Variants in CTPS1 observed in about 807,000 individuals in gnomAD.
The protein encoded by CTPS1 is CTP synthetase 1.
CTPS1 carries 25 observed loss-of-function variants against 80.5 expected under a neutral mutation model. The observed-to-expected ratio is 0.31, with a 90% CI of 0.23 to 0.43. The LOEUF (loss-of-function observed/expected upper bound fraction) is 0.43, where lower values mean the gene tolerates loss of function less well. Ranked by LOEUF, CTPS1 falls within the 20% of genes least tolerant of loss-of-function variation. The pLI is 1.00. For synonymous variants in CTPS1, 267 were observed against 252.5 expected, an observed-to-expected ratio of 1.06 and a Z score of -0.54; for missense variants, 442 against 725.7, an observed-to-expected ratio of 0.61 and a Z score of 4.49.
intron 5 of CTPS1, among the ~76,000 whole-genome samples, chr1:40,988,968 C>A (rs531767380): frequency 1.3e-5 from 2 of 152,092 alleles, no homozygotes; most frequent in Non-Finnish European, 2.9e-5. Context: ...TATGGTGGAA[C>A]TAGAGTAAAG....
At position 40,987,462 on chromosome 1, in the gene CTPS1, G is replaced by T; in HGVS notation, c.428G>T (p.Cys143Phe). ...VDEDGLEPQV[C>F]VIELGGTVGD... ...GAAGATGGCCTGGAACCTCAAGTGT[G>T]TGTTATTGAGGTTTGTATGATTCCT... is the stretch of plus-strand genomic sequence containing the variant. Residue 143 changes from cysteine (C) to phenylalanine (F), a missense_variant, in exon 4 of 19, where the codon TGT (cysteine) becomes TTT (phenylalanine). Transcript: ENST00000650070. 1 of 1,607,596 alleles carries T rather than the reference G, an allele frequency of 6.2e-7. No homozygotes were observed. The highest frequency in any genetic ancestry group is 1.3e-5 in the African/African-American group (1 of 74,904).
chr1:41,001,418 G>GT (rs1642901250), intron 10 of CTPS1: 5 of 284,104 alleles, frequency 1.8e-5, no homozygotes, highest in South Asian at 1.7e-4. Flanking sequence ...CTCATCAGTT[G>GT]TTTTGGCAGC....
Position 41,007,355 on chromosome 1 carries a change from A to C in CTPS1, c.1297-94A>C. The C allele has an allele frequency of 1.0e-6, 1 of 986,474 alleles. No homozygotes were observed. Among genetic ancestry groups the C allele is most frequent in the Non-Finnish European group, 1.6e-6 (1 of 634,504 alleles). 61.1% of individuals were successfully genotyped at this position (986,474 alleles called of 1,614,324 possible). A position where few individuals can be genotyped will look rare whatever the true frequency, so the allele number is the denominator to read the frequency against. On this transcript the variant is annotated intron_variant, in intron 13 of 18. Coordinates refer to ENST00000650070, the MANE Select transcript of CTPS1 (RefSeq NM_001905.4). This position sits in a 1 kb window ranked among gnomAD's most constrained non-coding sequence, Gnocchi z 4.4. ...AGGAAAGCCTGGAGAATTAGAGCTTACTTACAAGCCTTTGCCACCCACTCA... is the reference window on the plus strand; with the variant it reads ...AGGAAAGCCTGGAGAATTAGAGCTTCCTTACAAGCCTTTGCCACCCACTCA...
intron 6 of CTPS1, 76 bp downstream of exon 6, chr1:40,991,324 C>A (rs754783094): frequency 6.1e-6 from 7 of 1,155,398 alleles, no homozygotes; most frequent in Non-Finnish European, 8.7e-6. Context: ...ACAGACAAGA[C>A]CTTTGTCTTG....
chr1:41,000,129 C>T (rs1642866658), intron 9 of CTPS1, among the ~76,000 whole-genome samples: 1 of 152,182 alleles, frequency 6.6e-6, no homozygotes, highest in Non-Finnish European at 1.5e-5. Flanking sequence ...CTATAAGAGG[C>T]AAAACGAATC....
intron 11 of CTPS1, 46 bp from the exon 12 acceptor site, chr1:41,003,068 T>A (rs1262126161): frequency 6.3e-7 from 1 of 1,598,216 alleles, no homozygotes; most frequent in East Asian, 2.2e-5. Context: ...AAGTAGGAGC[T>A]GCCTTTTCAA....
At chr1:40,996,747 G>A (rs1056740313) in intron 8 of CTPS1, among the ~76,000 whole-genome samples, 4 of 152,090 alleles carry the variant, frequency 2.6e-5, no homozygotes, top group African/African-American at 9.7e-5. Context: ...TATCAGAATG[G>A]CAGTTTTATC....
At chr1:41,009,099 T>C (rs1387451524) in intron 16 of CTPS1, among the ~76,000 whole-genome samples, 1 of 152,212 alleles carries the variant, frequency 6.6e-6, no homozygotes, top group Admixed American at 6.5e-5. Context: ...GCCATTTAAC[T>C]TCTGGCCGCA....
intron 9 of CTPS1, 122 bp from the exon 10 acceptor site, chr1:41,000,907 A>G (rs1642887655): frequency 3.6e-6 from 2 of 549,542 alleles, no homozygotes; most frequent in Non-Finnish European, 6.3e-6. Context: ...TATTAAGATG[A>G]TCACTTTAAA....
intron 7 of CTPS1, 81 bp from the exon 8 acceptor site, chr1:40,995,836 T>C: frequency 7.2e-7 from 1 of 1,382,618 alleles, no homozygotes; most frequent in Non-Finnish European, 9.9e-7. Context: ...ATAATATTTT[T>C]ACAAGGTCAC....
intron 6 of CTPS1, among the ~76,000 whole-genome samples, 198 bp from the exon 7 acceptor site, chr1:40,991,567 A>G (rs1032643657): frequency 6.6e-6 from 1 of 152,166 alleles, no homozygotes; most frequent in Admixed American, 6.5e-5. Flanking sequence ...CCATTCTCTT[A>G]TGTTTCTCCA....
chr1:41,005,328 C>T (rs1643006209), intron 12 of CTPS1, among the ~76,000 whole-genome samples: 1 of 152,024 alleles, frequency 6.6e-6, no homozygotes, highest in Non-Finnish European at 1.5e-5. Flanking sequence ...CCTGTAATCC[C>T]AGCTACTCGG....
chr1:41,005,170 C>T (rs541195993), intron 12 of CTPS1, among the ~76,000 whole-genome samples: 4 of 151,968 alleles, frequency 2.6e-5, no homozygotes, highest in South Asian at 4.2e-4. Flanking sequence ...ACAGGCGGGG[C>T]GCAGTGGCTC....
intron 1 of CTPS1, 138 bp from the exon 2 acceptor site, chr1:40,983,140 C>A: frequency 1.5e-6 from 1 of 648,236 alleles, no homozygotes; most frequent in Non-Finnish European, 2.6e-6. Context: ...TGACGAGAAC[C>A]TTCTGAAGTC....
chr1:41,008,288 G>A (rs954782483), intron 14 of CTPS1, among the ~76,000 whole-genome samples: 4 of 152,188 alleles, frequency 2.6e-5, no homozygotes, highest in Admixed American at 2.6e-4. Flanking sequence ...GAGGTCATCT[G>A]TGCAGCTCTT....
intron 3 of CTPS1, 144 bp downstream of exon 3, chr1:40,985,135 T>G (rs916079095): frequency 2.0e-6 from 1 of 504,418 alleles, no homozygotes; most frequent in African/African-American, 2.0e-5. Context: ...CTCAAGGTAT[T>G]GTTACTGAAA....
intron 7 of CTPS1, among the ~76,000 whole-genome samples, chr1:40,993,882 G>A (rs1352636917): frequency 6.9e-6 from 1 of 143,922 alleles, no homozygotes; most frequent in Non-Finnish European, 1.5e-5. Context: ...GTGTTCAAGC[G>A]ATTCTCCTGC....
At chr1:40,981,044 G>A (rs1370228330) in intron 1 of CTPS1, 1 of 152,294 alleles carries the variant, frequency 6.6e-6, no homozygotes, top group Non-Finnish European at 1.5e-5. Context: ...GATGGCCATG[G>A]TACTGAAAGC....
chr1:40,981,458 A>G (rs1651894182), intron 1 of CTPS1, among the ~76,000 whole-genome samples: 1 of 152,238 alleles, frequency 6.6e-6, no homozygotes, highest in African/African-American at 2.4e-5. Flanking sequence ...AATTTCTAGG[A>G]TCATCCAAAA....
Sources: allele counts gnomAD v4.1 joint callset (sites outside exome capture counted in the v4.1 genomes callset), GRCh38; gene constraint gnomAD v4.1.1; non-coding constraint Gnocchi (gnomAD v3.1); transcripts MANE v1.5; gene names NCBI Gene and HGNC (gene_info 2026-07-23, HGNC 2026-07-21).